SFXN5: variants seen among roughly 807,000 people sequenced by gnomAD.
SFXN5 encodes the protein sideroflexin-5.
A neutral mutation model predicts 50.2 loss-of-function variants in SFXN5; 43 were observed. That is an observed-to-expected ratio of 0.86 (90% CI 0.67 to 1.11). SFXN5 has a LOEUF of 1.11. SFXN5 is among the 50% of genes least tolerant of loss of function. SFXN5 has a pLI of 0.00. For missense variants in SFXN5, 463 were observed against 454.1 expected (o/e 1.02, Z -0.18); for synonymous variants, 203 against 185.8 (o/e 1.09, Z -0.75).
chr2:73,051,256 A>AG (rs1160914961), intron 2 of SFXN5, among the ~76,000 whole-genome samples: 2 of 58,950 alleles, frequency 3.4e-5, no homozygotes, highest in Non-Finnish European at 5.6e-5. Flanking sequence ...TTTTTCCAGC[A>AG]CTTTTTTTTT....
chr2:72,967,469 G>C (rs1674552618), intron 12 of SFXN5: 1 of 152,094 alleles, frequency 6.6e-6, no homozygotes, highest in Non-Finnish European at 1.5e-5. Context: ...CCTCTTTGAG[G>C]GGGTGGCATT....
chr2:72,957,043 C>A, intron 13 of SFXN5: 1 of 456,752 alleles, frequency 2.2e-6, no homozygotes, highest in Non-Finnish European at 4.4e-6. Context: ...GAAGTTACTC[C>A]ATCTGGGTTC....
At chr2:73,052,943 C>A (rs1332145653) in intron 2 of SFXN5, among the ~76,000 whole-genome samples, 1 of 152,208 alleles carries the variant, frequency 6.6e-6, no homozygotes, top group Non-Finnish European at 1.5e-5. Flanking sequence ...TCTGGGAGGC[C>A]AAGGCGGGCA....
intron 12 of SFXN5, among the ~76,000 whole-genome samples, chr2:72,966,895 C>T (rs1049452436): frequency 1.3e-5 from 2 of 152,214 alleles, no homozygotes; most frequent in African/African-American, 4.8e-5. Flanking sequence ...TTGCCCACCA[C>T]CCTTATAAAC....
intron 3 of SFXN5, among the ~76,000 whole-genome samples, chr2:73,035,106 G>A (rs1289588438): frequency 1.3e-5 from 2 of 152,196 alleles, no homozygotes; most frequent in African/African-American, 4.8e-5. Flanking sequence ...CTACTGACAA[G>A]TTTATGTGAA....
At chr2:72,964,966 A>G (rs1451514861) in intron 12 of SFXN5, among the ~76,000 whole-genome samples, 1 of 152,040 alleles carries the variant, frequency 6.6e-6, no homozygotes, top group African/African-American at 2.4e-5. Context: ...CTAGGGCTCC[A>G]CCCCCAGGCC....
chr2:72,983,154 A>C (rs1276477305), intron 10 of SFXN5, among the ~76,000 whole-genome samples: 1 of 152,166 alleles, frequency 6.6e-6, no homozygotes, highest in African/African-American at 2.4e-5. Context: ...CTGAGCACAA[A>C]GGGGGAGCAG....
chr2:73,059,018 G>A, intron 1 of SFXN5: 1 of 993,864 alleles, frequency 1.0e-6, no homozygotes, highest in Non-Finnish European at 1.2e-6. Flanking sequence ...CCGCCACAGG[G>A]TCCCTCCCCA....
intron 6 of SFXN5, chr2:73,019,497 C>T (rs1198805642): frequency 4.1e-5 from 6 of 147,188 alleles, no homozygotes; most frequent in Admixed American, 6.9e-5. Flanking sequence ...GGCGCGATCT[C>T]GGCTCACTGA....
chr2:72,947,636 A>G (rs547554871), intron 13 of SFXN5, among the ~76,000 whole-genome samples: 25 of 152,302 alleles, frequency 1.6e-4, no homozygotes, highest in African/African-American at 6.0e-4. Flanking sequence ...TGGAGTCCCC[A>G]TAAGAGGGAG....
At chr2:73,045,550 G>A (rs1049992729) in intron 2 of SFXN5, among the ~76,000 whole-genome samples, 1 of 151,972 alleles carries the variant, frequency 6.6e-6, no homozygotes, top group African/African-American at 2.4e-5. Context: ...GGGTGGGGGT[G>A]AGGGGATGAA....
chr2:73,046,310 C>T (rs2105949680), intron 2 of SFXN5, among the ~76,000 whole-genome samples: 1 of 150,588 alleles, frequency 6.6e-6, no homozygotes, highest in East Asian at 2.0e-4. Context: ...TCGGGAGGCT[C>T]AGGCAGGAGA....
rs192736222 is a variant in SFXN5, at chr2:73,055,043, A to G, written c.171+3485T>C. On this transcript the variant is annotated intron_variant, in intron 2 of 13. Coordinates refer to ENST00000272433, the MANE Select transcript of SFXN5 (RefSeq NM_144579.3). ...ATGTTACTGGGCTGCTCCCCTGGAC[A>G]TGAGGGGGGATGGTTCTAGGCCCAG... is the stretch of plus-strand genomic sequence containing the variant. 4.4e-3 allele frequency among the ~76,000 whole-genome samples: 669 copies of G among 152,328 alleles called. 9 individuals are homozygous for G. Among genetic ancestry groups the G allele is most frequent in the Admixed American group, 0.019 (283 of 15,294 alleles).
Position 72,970,778 on chromosome 2 carries a change from C to G in SFXN5, c.741+792G>C, listed in dbSNP as rs142054832. Reference sequence around the variant, plus strand: ...TCTCGGCTCACTGCAACTTCTACCCCCCGGGTTCAAGCAATTCTCCTGCCT... The same window carrying G: ...TCTCGGCTCACTGCAACTTCTACCCGCCGGGTTCAAGCAATTCTCCTGCCT... On this transcript the variant is annotated intron_variant, in intron 11 of 13. Transcript: ENST00000272433. 7.2e-5 allele frequency among the ~76,000 whole-genome samples: 11 copies of G among 151,962 alleles called. No individual in the cohort carries two copies. In the South Asian group the frequency reaches 8.3e-4, roughly 11 times the overall value.
chr2:73,025,562 G>C (rs1421606159), intron 3 of SFXN5, among the ~76,000 whole-genome samples: 3 of 152,202 alleles, frequency 2.0e-5, no homozygotes, highest in South Asian at 2.1e-4. Flanking sequence ...GAAAAGAACA[G>C]CAAAGGAATA....
At position 72,960,227 on chromosome 2, in the gene SFXN5, C is replaced by T. The variant is rs929593447; in HGVS notation, c.945+904G>A. 1.3e-5 allele frequency among the ~76,000 whole-genome samples: 2 copies of T among 152,008 alleles called. No individual in the cohort carries two copies. The highest frequency in any genetic ancestry group is 2.4e-5 in the African/African-American group (1 of 41,370). ...CAACATCCCACAGGCTCCTCAACCC[C>T]GCGTGTCCATCCAACTGACCCACTG... On this transcript the variant is annotated intron_variant, in intron 13 of 13. Coordinates refer to ENST00000272433, the MANE Select transcript of SFXN5 (RefSeq NM_144579.3). This position sits in a 1 kb window ranked among gnomAD's most constrained non-coding sequence, Gnocchi z 6.1.
chr2:73,058,401 TCCTCTCA>T (rs985133380), intron 2 of SFXN5, 120 bp downstream of exon 2: 8 of 804,044 alleles, frequency 9.9e-6, no homozygotes, highest in African/African-American at 3.4e-5. Context: ...TTTGTTACCT[TCCTCTCA>T]CCTCTCACCT....
intron 1 of SFXN5, among the ~76,000 whole-genome samples, chr2:73,065,691 C>T (rs1398895975): frequency 6.6e-6 from 1 of 152,142 alleles, no homozygotes. Flanking sequence ...GTCACTGTGC[C>T]TGGCCATGTG....
chr2:73,020,970 G>C (rs1212514097), intron 5 of SFXN5: 2 of 152,302 alleles, frequency 1.3e-5, no homozygotes, highest in Non-Finnish European at 2.9e-5. Context: ...CTGGACAGCG[G>C]GATCGGGCTT....
Sources: gnomAD v4.1 joint callset for allele counts (sites outside exome capture counted in the v4.1 genomes callset) on GRCh38, gnomAD v4.1.1 for gene constraint, Gnocchi (gnomAD v3.1) non-coding constraint, MANE v1.5 for transcripts, NCBI Gene and HGNC (gene_info 2026-07-23, HGNC 2026-07-21) for gene names.